The following CHMP4A variants were observed in gnomAD, a reference collection of about 807,000 sequenced individuals.
CHMP4A encodes charged multivesicular body protein 4A.
Under a neutral mutation model 28.2 loss-of-function variants are expected in CHMP4A, and 29 were observed. That is an observed-to-expected ratio of 1.03 (90% CI 0.77 to 1.40). The LOEUF (loss-of-function observed/expected upper bound fraction) is 1.40, where lower values mean the gene tolerates loss of function less well. Among genes scored for constraint, CHMP4A ranks in the 40% most tolerant of loss-of-function variants. The probability of loss-of-function intolerance (pLI) is 0.00; values close to 1 mark genes in which losing one functional copy is unlikely to be tolerated. For missense variants in CHMP4A, 241 were observed against 263.5 expected (o/e 0.91, Z 0.59); for synonymous variants, 88 against 99.3 (o/e 0.89, Z 0.67).
chr14:24,213,180 CTG>C (rs1340436151), intron 1 of CHMP4A: 13 of 528,786 alleles, frequency 2.5e-5, no homozygotes, highest in Non-Finnish European at 3.2e-5. Context: ...GTTCTTCCCT[CTG>C]AGAGTGGGGG....
At chr14:24,210,297 T>A (rs767994888) in intron 5 of CHMP4A, 51 bp downstream of exon 5, 1 of 1,587,516 alleles carries the variant, frequency 6.3e-7, no homozygotes, top group East Asian at 2.2e-5. Context: ...TCTTTCCCCA[T>A]ATCTCTCCCA....
chr14:24,212,558 T>A (rs1233522393), intron 1 of CHMP4A: 2 of 390,492 alleles, frequency 5.1e-6, no homozygotes, highest in Non-Finnish European at 5.0e-6. Context: ...CACCTAATTT[T>A]TTTTTTTTTT....
intron 4 of CHMP4A, 35 bp downstream of exon 4, chr14:24,210,619 T>C (rs758925197): frequency 8.1e-6 from 13 of 1,599,046 alleles, no homozygotes; most frequent in South Asian, 3.3e-5. Flanking sequence ...TCCCATACTT[T>C]CTGCAATATT....
chr14:24,210,560 C>A, intron 4 of CHMP4A, 77 bp from the exon 5 acceptor site: 1 of 1,596,226 alleles, frequency 6.3e-7, no homozygotes, highest in Non-Finnish European at 8.6e-7. Context: ...TTTGAAGTTC[C>A]CTCCCAAACT....
At chr14:24,213,189 G>C (rs971011465) in intron 1 of CHMP4A, 5 of 535,586 alleles carry the variant, frequency 9.3e-6, no homozygotes, top group African/African-American at 4.0e-5. Flanking sequence ...TCTGAGAGTG[G>C]GGGAGGACGG....
rs141941051 is a variant in CHMP4A, at chr14:24,211,455, C to T, written c.319G>A (p.Glu107Lys). ...TTNAEVLRTM[E>K]LAAQSMKKAY... ...TTCTTCATGCTTTGGGCAGCAAGCTCCATGGTACGAAGGACTTCTGCATTG... is the reference window on the plus strand; with the variant it reads ...TTCTTCATGCTTTGGGCAGCAAGCTTCATGGTACGAAGGACTTCTGCATTG... The change falls in exon 3 of 6, where the codon GAG (glutamate) becomes AAG (lysine). Residue 107 changes from glutamate (E) to lysine (K), a missense_variant. Glu to Lys is a moderately conservative substitution (Grantham distance 56). Coordinates refer to ENST00000347519, the MANE Select transcript of CHMP4A (RefSeq NM_014169.5). The T allele has an allele frequency of 1.5e-5, 24 of 1,612,538 alleles. No homozygotes were observed. The highest frequency in any genetic ancestry group is 1.7e-5 in the Admixed American group (1 of 59,948).
chr14:24,213,319 G>A lies in CHMP4A; in HGVS notation c.31+90C>T, dbSNP rs1053760868. On this transcript the variant is annotated intron_variant, in intron 1 of 5. Coordinates refer to ENST00000347519, the MANE Select transcript of CHMP4A (RefSeq NM_014169.5). Reference sequence around the variant, plus strand: ...GTCTCCTGATTCTCTTCCCCTGCCCGGCGCAGCGGTCCGGCCGAATCTCGC... The same window carrying A: ...GTCTCCTGATTCTCTTCCCCTGCCCAGCGCAGCGGTCCGGCCGAATCTCGC... The A allele has an allele frequency of 2.1e-6, 3 of 1,396,736 alleles. No individual in the cohort carries two copies. In the East Asian group the frequency reaches 8.1e-5, roughly 38 times the overall value. 86.5% of individuals were successfully genotyped at this position (1,396,736 alleles called of 1,614,324 possible).
chr14:24,209,758 G>T lies in CHMP4A; in HGVS notation c.*119C>A, dbSNP rs941695021. 6 of 927,638 alleles carry T rather than the reference G, an allele frequency of 6.5e-6. No homozygotes were observed. In the Admixed American group the frequency reaches 1.1e-4, roughly 17 times the overall value. The allele number at this position is 927,638 out of a possible 1,614,324, so 57.5% of individuals were successfully genotyped here. On this transcript the variant is annotated 3_prime_UTR_variant, in exon 6 of 6. Transcript: ENST00000347519. ...GTAAGAGACCCTTTTTTCAGGCAGG[G>T]TCACACTACCACCCTCAGCATGACT...
At position 24,211,583 on chromosome 14, in the gene CHMP4A, T is replaced by C; in HGVS notation, c.191A>G (p.Gln64Arg). ...YGTKNKRAAL[Q>R]ALRRKKRFEQ... ...GAATCTTTTCTTCCTCCGCAAAGCC[T>C]GTAGGGCAGCTGACCCAGCCCATAC... The change falls in exon 3 of 6, where the codon CAG becomes CGG. Residue 64 changes from glutamine to arginine, a missense_variant. By Grantham distance (43) the Gln-to-Arg change is conservative. Coordinates refer to ENST00000347519, the MANE Select transcript of CHMP4A (RefSeq NM_014169.5). 6.2e-7 allele frequency: 1 copy of C among 1,612,354 alleles called. No homozygotes were observed. Among genetic ancestry groups the C allele is most frequent in the Non-Finnish European group, 8.5e-7 (1 of 1,178,392 alleles).
chr14:24,212,012 CAACT>C, intron 1 of CHMP4A, 183 bp from the exon 2 acceptor site: 1 of 545,018 alleles, frequency 1.8e-6, no homozygotes, highest in Non-Finnish European at 3.2e-6. Context: ...TTAAAAATCA[CAACT>C]AATAAGAGAT....
Position 24,209,908 on chromosome 14 carries a change from G to A in CHMP4A, c.638C>T (p.Ala213Val), listed in dbSNP as rs1392681413. The A allele has an allele frequency of 6.2e-7, 1 of 1,614,066 alleles. No individual in the cohort carries two copies. The highest frequency in any genetic ancestry group is 2.2e-5 in the East Asian group (1 of 44,878). ...PAPKVDEDEE[A>V]LKQLAEWVS The stretch of plus-strand genomic sequence containing the variant: ...TACCCACTCAGCCAACTGCTTTAGT[G>A]CTTCTTCATCTTCATCCACTTTGGG... The change falls in exon 6 of 6, where the codon GCA (alanine) becomes GTA (valine). Residue 213 changes from alanine (A) to valine (V), a missense_variant. Ala to Val is a moderately conservative substitution (Grantham distance 64). Coordinates refer to ENST00000347519, the MANE Select transcript of CHMP4A (RefSeq NM_014169.5).
intron 1 of CHMP4A, chr14:24,213,093 A>C: frequency 5.5e-6 from 2 of 360,720 alleles, no homozygotes; most frequent in African/African-American, 2.1e-5. Context: ...GACAGCAGGA[A>C]ACTCGTCTTC....
Position 24,211,503 on chromosome 14 carries a change from C to A in CHMP4A, c.271G>T (p.Glu91Ter), listed in dbSNP as rs749603690. ...TTGGTAGTGGCATTCTCAATGGCCT[C>A]ACGCTGAAACTCCAGGGTGGATAAT... ...GTLSTLEFQR[E>*]AIENATTNAE... The change falls in exon 3 of 6, where the codon GAG (glutamate) becomes TAG (stop). Residue 91 changes from glutamate to a stop codon, truncating the protein, a stop_gained. Transcript: ENST00000347519. LOFTEE classifies it high-confidence loss of function. The A allele has an allele frequency of 1.2e-6, 2 of 1,614,142 alleles. No individual in the cohort carries two copies. The highest frequency in any genetic ancestry group is 3.3e-5 in the Admixed American group (2 of 60,030).
intron 1 of CHMP4A, 170 bp from the exon 2 acceptor site, chr14:24,211,999 A>G: frequency 1.8e-6 from 1 of 563,340 alleles, no homozygotes; most frequent in Non-Finnish European, 3.0e-6. Context: ...AACCACAAAG[A>G]TGTTAAAAAT....
chr14:24,213,313 C>G, intron 1 of CHMP4A, 96 bp downstream of exon 1: 1 of 1,386,114 alleles, frequency 7.2e-7, no homozygotes, highest in Non-Finnish European at 9.5e-7. Context: ...TTCTCTTCCC[C>G]TGCCCGGCGC....
Position 24,213,460 on chromosome 14 carries a change from C to T in CHMP4A, c.-21G>A, listed in dbSNP as rs932515857. ...CTCATCGCGAGCTCGCCTCTCCCGC[C>T]TCCGCCCCTCAGCGTCCTCCAGACT... is the stretch of plus-strand genomic sequence containing the variant. On this transcript the variant is annotated 5_prime_UTR_variant, in exon 1 of 6. Transcript: ENST00000347519. 3.1e-6 allele frequency: 5 copies of T among 1,612,808 alleles called. No homozygotes were observed. The highest frequency in any genetic ancestry group is 1.7e-5 in the Admixed American group (1 of 59,892).
intron 1 of CHMP4A, 55 bp from the exon 2 acceptor site, chr14:24,211,884 C>A: frequency 6.6e-7 from 1 of 1,511,396 alleles, no homozygotes; most frequent in Non-Finnish European, 9.0e-7. Context: ...TATTAGCCAC[C>A]AATCATTGAA....
At chr14:24,212,287 C>A (rs1594470735) in intron 1 of CHMP4A, among the ~76,000 whole-genome samples, 1 of 151,828 alleles carries the variant, frequency 6.6e-6, no homozygotes, top group Admixed American at 6.6e-5. Context: ...TACAGACAGG[C>A]TTTCTCCATG....
chr14:24,210,655 T>C lies in CHMP4A; in HGVS notation c.473A>G (p.Glu158Gly). The change falls in exon 4 of 6, where the codon GAG (glutamate) becomes GGG (glycine). Residue 158 changes from glutamate to glycine, a missense_variant and splice_region_variant. Transcript: ENST00000347519. ...CCCTGACCCTTCACCCCCAATCACC[T>C]CATCCACATCATCTCCAAAGCCCAT... ...RPMGFGDDVD[E>G]DELLEELEEL... The C allele has an allele frequency of 6.2e-7, 1 of 1,612,080 alleles. No homozygotes were observed. The highest frequency in any genetic ancestry group is 8.5e-7 in the Non-Finnish European group (1 of 1,178,166).
Sources: allele counts gnomAD v4.1 joint callset (sites outside exome capture counted in the v4.1 genomes callset), GRCh38; gene constraint gnomAD v4.1.1; transcripts MANE v1.5; gene names NCBI Gene and HGNC (gene_info 2026-07-23, HGNC 2026-07-21).